Variants in HNF4G observed in about 807,000 individuals in gnomAD.
HNF4G encodes the protein hepatocyte nuclear factor 4-gamma.
A neutral mutation model predicts 50.9 loss-of-function variants in HNF4G; 21 were observed. The observed-to-expected ratio is 0.41, with a 90% confidence interval of 0.29 to 0.59. The LOEUF (loss-of-function observed/expected upper bound fraction) is 0.59, where lower values mean the gene tolerates loss of function less well. Ranked by LOEUF, HNF4G falls within the 20% of genes least tolerant of loss-of-function variation. The pLI is 0.26. For synonymous variants in HNF4G, 198 were observed against 185.6 expected (o/e 1.07, Z -0.54); for missense variants, 527 against 559.4 (o/e 0.94, Z 0.58).
intron 2 of HNF4G, among the ~76,000 whole-genome samples, chr8:75,520,639 C>T (rs184730778): frequency 1.9e-4 from 29 of 151,874 alleles, no homozygotes; most frequent in African/African-American, 4.3e-4. Flanking sequence ...GGTTTTGCCA[C>T]GATGCCCAGG....
chr8:75,420,835 A>C (rs1290177995), intron 1 of HNF4G, among the ~76,000 whole-genome samples: 2 of 152,228 alleles, frequency 1.3e-5, no homozygotes, highest in Non-Finnish European at 2.9e-5. Context: ...TATTTAATGA[A>C]GCAAAACAAA....
rs185316044 is a variant in HNF4G, at chr8:75,510,041, C to T, written c.-24+19833C>T. ...TTATTATCATAGGTGATGGCAGCTC[C>T]ATGCATGTTTTTGTCCCTGAAAACC... On this transcript the variant is annotated intron_variant, in intron 2 of 10. Transcript: ENST00000354370. Among the ~76,000 whole-genome samples the T allele has an allele frequency of 2.0e-4, 30 of 152,106 alleles. No homozygotes were observed. The East Asian group carries it at 3.9e-3, about 20-fold the overall frequency.
intron 1 of HNF4G, among the ~76,000 whole-genome samples, chr8:75,438,170 G>T (rs1348886457): frequency 1.3e-5 from 2 of 152,098 alleles, no homozygotes; most frequent in African/African-American, 4.8e-5. Context: ...ATGTAATGAT[G>T]CATATACATA....
chr8:75,552,999 T>C lies in HNF4G; in HGVS notation c.490-43T>C, dbSNP rs976651870. 7 of 1,413,004 alleles carry C rather than the reference T, an allele frequency of 5.0e-6. No homozygotes were observed. In the South Asian group the frequency reaches 9.1e-5, roughly 18 times the overall value. 87.5% of individuals were successfully genotyped at this position (1,413,004 alleles called of 1,614,324 possible). On this transcript the variant is annotated intron_variant, in intron 4 of 9. Coordinates refer to ENST00000396423, the MANE Select transcript of HNF4G (RefSeq NM_004133.5). ...AAGAAAAAAAGGGGAATGTTGGCCA[T>C]CTATTATTTTAAATGATAATATAAT...
At chr8:75,474,252 G>A (rs767396538) in intron 1 of HNF4G, among the ~76,000 whole-genome samples, 3 of 152,190 alleles carry the variant, frequency 2.0e-5, no homozygotes, top group Non-Finnish European at 2.9e-5. Flanking sequence ...GACTAGAACA[G>A]CAGTTTTAAT....
chr8:75,473,788 A>G (rs1812178497), intron 1 of HNF4G, among the ~76,000 whole-genome samples: 1 of 152,136 alleles, frequency 6.6e-6, no homozygotes, highest in Admixed American at 6.5e-5. Context: ...CAGGGTAGGA[A>G]AGTTATGGCT....
chr8:75,421,265 T>G (rs1810768664), intron 1 of HNF4G, among the ~76,000 whole-genome samples: 1 of 152,180 alleles, frequency 6.6e-6, no homozygotes, highest in Non-Finnish European at 1.5e-5. Flanking sequence ...CAGTCACAGT[T>G]CAGAGCTCTG....
intron 2 of HNF4G, among the ~76,000 whole-genome samples, chr8:75,512,984 C>A (rs927193967): frequency 3.3e-5 from 5 of 151,980 alleles, no homozygotes; most frequent in African/African-American, 1.2e-4. Context: ...TATTATAAAA[C>A]TTCTTTAGCT....
intron 1 of HNF4G, among the ~76,000 whole-genome samples, chr8:75,430,901 G>T (rs1209865509): frequency 6.6e-6 from 1 of 152,118 alleles, no homozygotes; most frequent in East Asian, 1.9e-4. Context: ...TACGAAGATT[G>T]TTGTTAGAAA....
chr8:75,520,685 C>T (rs1806015691), intron 2 of HNF4G, among the ~76,000 whole-genome samples: 2 of 151,952 alleles, frequency 1.3e-5, no homozygotes, highest in African/African-American at 4.8e-5. Context: ...TGATCCATGC[C>T]CCTCAGTCTC....
chr8:75,409,865 G>A (rs922480819), intron 1 of HNF4G, among the ~76,000 whole-genome samples: 5 of 152,098 alleles, frequency 3.3e-5, no homozygotes, highest in Middle Eastern at 3.4e-3. Flanking sequence ...CATCAAAATC[G>A]TAGTAAAATA....
chr8:75,460,936 T>C (rs1329851392), intron 1 of HNF4G, among the ~76,000 whole-genome samples: 1 of 152,240 alleles, frequency 6.6e-6, no homozygotes, highest in African/African-American at 2.4e-5. Flanking sequence ...CTACAATTAG[T>C]ACTTAATGAT....
chr8:75,554,969 C>T (rs1807070442), intron 5 of HNF4G, among the ~76,000 whole-genome samples: 1 of 152,170 alleles, frequency 6.6e-6, no homozygotes, highest in South Asian at 2.1e-4. Flanking sequence ...GGTTCTGAGT[C>T]AGGCAGCAAC....
chr8:75,560,995 A>T (rs993438996), intron 9 of HNF4G, among the ~76,000 whole-genome samples: 2 of 151,328 alleles, frequency 1.3e-5, no homozygotes, highest in Admixed American at 6.6e-5. Flanking sequence ...ATTTCTCTAT[A>T]AAAAAAAATT....
intron 1 of HNF4G, among the ~76,000 whole-genome samples, chr8:75,440,340 T>A (rs972119840): frequency 6.6e-6 from 1 of 152,194 alleles, no homozygotes; most frequent in Admixed American, 6.5e-5. Flanking sequence ...CTTGAGCTAC[T>A]TTATTTGCAG....
intron 2 of HNF4G, among the ~76,000 whole-genome samples, chr8:75,512,589 G>A (rs886750178): frequency 1.5e-4 from 23 of 151,762 alleles, no homozygotes; most frequent in African/African-American, 5.3e-4. Context: ...CTCGGCCTCT[G>A]GAGTAGCTGG....
intron 1 of HNF4G, among the ~76,000 whole-genome samples, chr8:75,444,224 A>G (rs1346051035): frequency 8.7e-4 from 129 of 147,826 alleles, no homozygotes; most frequent in South Asian, 2.4e-3. Flanking sequence ...AGACAAGCAA[A>G]TGCTGAGAGA....
At chr8:75,506,960 T>C (rs1813092519) in intron 2 of HNF4G, among the ~76,000 whole-genome samples, 1 of 152,206 alleles carries the variant, frequency 6.6e-6, no homozygotes, top group East Asian at 1.9e-4. Context: ...GTTTTGATGG[T>C]TGAGCATTGC....
chr8:75,439,931 A>G (rs960649075), intron 1 of HNF4G, among the ~76,000 whole-genome samples: 1 of 152,188 alleles, frequency 6.6e-6, no homozygotes, highest in African/African-American at 2.4e-5. Context: ...TATTGTCATG[A>G]AAGCTCCTTA....
Sources: gnomAD v4.1 joint callset for allele counts (sites outside exome capture counted in the v4.1 genomes callset) on GRCh38, gnomAD v4.1.1 for gene constraint, MANE v1.5 for transcripts, NCBI Gene and HGNC (gene_info 2026-07-23, HGNC 2026-07-21) for gene names.